ABCC4: variants seen among roughly 807,000 people sequenced by gnomAD.
ABCC4 encodes ATP binding cassette subfamily C member 4 (PEL blood group), also known as ATP-binding cassette sub-family C member 4.
In ABCC4, 102 loss-of-function variants were observed where a neutral mutation model predicts 168.5. That is an observed-to-expected ratio of 0.61 (90% CI 0.52 to 0.71). The LOEUF is 0.71. Among genes scored for constraint, ABCC4 ranks in the 30% least tolerant of loss-of-function variants. The probability of loss-of-function intolerance (pLI) is 0.00; values close to 1 mark genes in which losing one functional copy is unlikely to be tolerated. For synonymous variants in ABCC4, 617 were observed against 590.7 expected, an observed-to-expected ratio of 1.04 and a Z score of -0.65; for missense variants, 1,402 against 1,605.8, an observed-to-expected ratio of 0.87 and a Z score of 2.17.
At chr13:95,186,009 T>C (rs902471478) in intron 11 of ABCC4, among the ~76,000 whole-genome samples, 1 of 151,910 alleles carries the variant, frequency 6.6e-6, no homozygotes, top group African/African-American at 2.4e-5. Flanking sequence ...AGGAAACCTG[T>C]GGTTTGAGAG....
chr13:95,048,189 T>C (rs1177989268), intron 27 of ABCC4, among the ~76,000 whole-genome samples: 1 of 152,230 alleles, frequency 6.6e-6, no homozygotes. Flanking sequence ...CTTTAAAATA[T>C]AGAAAACTTA....
intron 1 of ABCC4, among the ~76,000 whole-genome samples, chr13:95,253,543 G>A (rs1197663853): frequency 6.6e-6 from 1 of 151,884 alleles, no homozygotes. Context: ...TCAGGAGTTC[G>A]AGACCAGCCT....
chr13:95,293,516 G>A (rs563803350), intron 1 of ABCC4, among the ~76,000 whole-genome samples: 5 of 151,746 alleles, frequency 3.3e-5, no homozygotes, highest in African/African-American at 4.8e-5. Flanking sequence ...GCCCAGGCTG[G>A]AGTGCAGTGG....
chr13:95,212,100 G>A (rs930986191), intron 4 of ABCC4, among the ~76,000 whole-genome samples: 20 of 150,926 alleles, frequency 1.3e-4, no homozygotes, highest in Admixed American at 1.1e-3. Context: ...CACTTGAACC[G>A]GGAGGCAGGG....
chr13:95,120,543 C>T (rs1346375614), intron 19 of ABCC4, among the ~76,000 whole-genome samples: 5 of 132,216 alleles, frequency 3.8e-5, no homozygotes, highest in African/African-American at 1.5e-4. Flanking sequence ...GCACTCCAGG[C>T]TGGGCGACAG....
intron 4 of ABCC4, among the ~76,000 whole-genome samples, chr13:95,225,572 A>C (rs1041548298): frequency 3.3e-5 from 5 of 152,186 alleles, no homozygotes; most frequent in Non-Finnish European, 7.4e-5. Flanking sequence ...CAGGAGGCTG[A>C]GGCAGGGTAA....
At chr13:95,195,897 A>T (rs1202147429) in intron 8 of ABCC4, among the ~76,000 whole-genome samples, 2 of 151,896 alleles carry the variant, frequency 1.3e-5, no homozygotes, top group Non-Finnish European at 2.9e-5. Flanking sequence ...GCCTCCCAAA[A>T]TGCTGGGTTT....
Position 95,170,766 on chromosome 13 carries a change from A to G in ABCC4, c.1728-138T>C, listed in dbSNP as rs2037442308. On this transcript the variant is annotated intron_variant, in intron 13 of 30. Transcript: ENST00000645237. ...GGTTAAATACAAACTAAATACAAATATAAGCCAATAAAGCCGGCTAGGTCC... is the reference window on the plus strand; with the variant it reads ...GGTTAAATACAAACTAAATACAAATGTAAGCCAATAAAGCCGGCTAGGTCC... 1.1e-5 allele frequency: 6 copies of G among 524,484 alleles called. No homozygotes were observed. The South Asian group carries it at 1.9e-4, about 17-fold the overall frequency. The allele number at this position is 524,484 out of a possible 1,614,324, so 32.5% of individuals were successfully genotyped here.
chr13:95,067,051 T>C (rs578059970), intron 25 of ABCC4, among the ~76,000 whole-genome samples: 3 of 152,258 alleles, frequency 2.0e-5, no homozygotes, highest in Non-Finnish European at 2.9e-5. Context: ...TGCAGCTACG[T>C]TGGACATGGG....
At chr13:95,229,920 G>A (rs2039572456) in intron 4 of ABCC4, among the ~76,000 whole-genome samples, 3 of 152,172 alleles carry the variant, frequency 2.0e-5, no homozygotes, top group African/African-American at 7.2e-5. Context: ...TGTGCTCTAA[G>A]CTATAGAAGT....
intron 8 of ABCC4, among the ~76,000 whole-genome samples, 166 bp downstream of exon 8, chr13:95,206,366 G>A (rs1441604332): frequency 2.6e-5 from 4 of 152,078 alleles, no homozygotes; most frequent in East Asian, 3.9e-4. Flanking sequence ...TCTTTACCGC[G>A]CTCTATCTAA....
chr13:95,129,868 A>G (rs1369070838), intron 19 of ABCC4, among the ~76,000 whole-genome samples: 3 of 152,146 alleles, frequency 2.0e-5, no homozygotes, highest in Non-Finnish European at 4.4e-5. Flanking sequence ...TGAGGTCAGG[A>G]GTTGGAGACC....
chr13:95,157,245 T>C (rs1400908649), intron 19 of ABCC4, among the ~76,000 whole-genome samples: 1 of 151,574 alleles, frequency 6.6e-6, no homozygotes, highest in East Asian at 1.9e-4. Context: ...CAGACCCAGC[T>C]CCACATTGCT....
At chr13:95,048,072 T>C (rs775264237) in intron 27 of ABCC4, among the ~76,000 whole-genome samples, 24 of 152,158 alleles carry the variant, frequency 1.6e-4, no homozygotes, top group South Asian at 6.2e-4. Context: ...AATTACAAAG[T>C]AAATCCACAA....
intron 1 of ABCC4, among the ~76,000 whole-genome samples, chr13:95,299,511 C>T (rs1020871522): frequency 1.3e-5 from 2 of 152,114 alleles, no homozygotes; most frequent in Admixed American, 1.3e-4. Context: ...CAACCTGAGG[C>T]CCATGGGCTG....
At position 95,268,545 on chromosome 13, in the gene ABCC4, C is replaced by G. The variant is rs570026542; in HGVS notation, c.75-20792G>C. On this transcript the variant is annotated intron_variant, in intron 1 of 30. Transcript: ENST00000645237. ...CGTCCCTTGGCCCTTGGCAATGGAA[C>G]GTCTCAGTGTAAAACCCAATTGTAT... Among the ~76,000 whole-genome samples, 31 of 152,198 alleles carry G rather than the reference C, an allele frequency of 2.0e-4. No homozygotes were observed. In the South Asian group the frequency reaches 6.0e-3, roughly 30 times the overall value.
chr13:95,181,131 C>T (rs2139604167), intron 11 of ABCC4, among the ~76,000 whole-genome samples: 1 of 152,354 alleles, frequency 6.6e-6, no homozygotes, highest in Admixed American at 6.5e-5. Flanking sequence ...ATTTAATCTA[C>T]CACCACCTTT....
chr13:95,137,861 C>G (rs2036190431), intron 19 of ABCC4, among the ~76,000 whole-genome samples: 1 of 152,110 alleles, frequency 6.6e-6, no homozygotes, highest in African/African-American at 2.4e-5. Context: ...TTTAACATTG[C>G]TGGAATGCAC....
At chr13:95,126,742 T>TATATATTCCAAA (rs2035784128) in intron 19 of ABCC4, among the ~76,000 whole-genome samples, 2 of 108,488 alleles carry the variant, frequency 1.8e-5, no homozygotes, top group Non-Finnish European at 3.8e-5. Flanking sequence ...TATATATATA[T>TATATATTCCAAA]ATATATATAT....
Sources: allele counts gnomAD v4.1 joint callset (sites outside exome capture counted in the v4.1 genomes callset), GRCh38; gene constraint gnomAD v4.1.1; transcripts MANE v1.5; gene names NCBI Gene and HGNC (gene_info 2026-07-23, HGNC 2026-07-21).